The following FBXL7 variants were observed in gnomAD, a reference collection of about 807,000 sequenced individuals.
FBXL7 encodes F-box/LRR-repeat protein 7.
A neutral mutation model predicts 38.3 loss-of-function variants in FBXL7; 12 were observed. The ratio of observed to expected loss-of-function variants is 0.31; its 90% CI spans 0.20 to 0.51. FBXL7 has a LOEUF of 0.51. FBXL7 is among the 20% of genes least tolerant of loss of function. The probability of loss-of-function intolerance (pLI) is 0.98; values close to 1 mark genes in which losing one functional copy is unlikely to be tolerated. For synonymous variants in FBXL7, 297 were observed against 300.9 expected (o/e 0.99, Z 0.13); for missense variants, 567 against 676.4 (o/e 0.84, Z 1.79).
chr5:15,718,762 A>G (rs910223105), intron 2 of FBXL7, among the ~76,000 whole-genome samples: 6 of 152,250 alleles, frequency 3.9e-5, no homozygotes, highest in African/African-American at 1.4e-4. Flanking sequence ...TTCTTTAAAC[A>G]TTAAAATCTC....
At chr5:15,524,412 C>G (rs1164397250) in intron 1 of FBXL7, among the ~76,000 whole-genome samples, 1 of 152,184 alleles carries the variant, frequency 6.6e-6, no homozygotes, top group African/African-American at 2.4e-5. Context: ...CCAAGGAAAC[C>G]TAAGACATTC....
intron 1 of FBXL7, among the ~76,000 whole-genome samples, chr5:15,552,417 G>A (rs1738105003): frequency 6.6e-6 from 1 of 152,072 alleles, no homozygotes; most frequent in Admixed American, 6.6e-5. Flanking sequence ...CTTTCAGGAA[G>A]GCTACAAATT....
chr5:15,870,752 C>T (rs984759614), intron 2 of FBXL7, among the ~76,000 whole-genome samples: 5 of 152,198 alleles, frequency 3.3e-5, no homozygotes, highest in African/African-American at 7.2e-5. Context: ...AGCCAGAATG[C>T]CTCTCTAGAT....
chr5:15,862,096 T>A (rs1739499773), intron 2 of FBXL7, among the ~76,000 whole-genome samples: 1 of 152,210 alleles, frequency 6.6e-6, no homozygotes, highest in Non-Finnish European at 1.5e-5. Context: ...GTGGTTTGAC[T>A]GTGTCCCCAC....
At chr5:15,852,332 G>A (rs1739121827) in intron 2 of FBXL7, among the ~76,000 whole-genome samples, 1 of 152,178 alleles carries the variant, frequency 6.6e-6, no homozygotes, top group Non-Finnish European at 1.5e-5. Context: ...AGAGAGTAGA[G>A]TGTGGGAAAT....
chr5:15,729,776 T>C (rs1346323569), intron 2 of FBXL7, among the ~76,000 whole-genome samples: 2 of 152,190 alleles, frequency 1.3e-5, no homozygotes, highest in Admixed American at 6.6e-5. Context: ...TAGTGCTTAC[T>C]GTGCGTCAGG....
At position 15,884,957 on chromosome 5, in the gene FBXL7, T is replaced by C. The variant is rs542374812; in HGVS notation, c.128-42933T>C. Among the ~76,000 whole-genome samples the C allele has an allele frequency of 1.1e-3, 170 of 152,346 alleles. 1 individual carries two copies. Among genetic ancestry groups the C allele is most frequent in the African/African-American group, 3.4e-3 (140 of 41,598 alleles). On this transcript the variant is annotated intron_variant, in intron 2 of 3. Coordinates refer to ENST00000504595, the MANE Select transcript of FBXL7 (RefSeq NM_012304.5). The stretch of plus-strand genomic sequence containing the variant: ...TTTCTAGTTTGATGTATTGGCTATC[T>C]ACTGCTAGATAACAAATTACCCCAA...
intron 2 of FBXL7, among the ~76,000 whole-genome samples, chr5:15,865,560 C>A (rs542141266): frequency 3.3e-5 from 5 of 152,256 alleles, no homozygotes; most frequent in Non-Finnish European, 5.9e-5. Context: ...GAATTGATGA[C>A]AAGCCTCTCA....
At chr5:15,783,958 A>C (rs1737068784) in intron 2 of FBXL7, among the ~76,000 whole-genome samples, 1 of 152,178 alleles carries the variant, frequency 6.6e-6, no homozygotes. Context: ...GGGCATGATG[A>C]ATGACTTCTG....
intron 2 of FBXL7, among the ~76,000 whole-genome samples, chr5:15,883,475 T>G (rs1740544612): frequency 6.6e-6 from 1 of 152,238 alleles, no homozygotes; most frequent in African/African-American, 2.4e-5. Context: ...ATCACAAGTT[T>G]TATGCATAAC....
chr5:15,795,585 A>T (rs11951839), intron 2 of FBXL7, among the ~76,000 whole-genome samples: 6,127 of 152,274 alleles, frequency 0.04, 410 homozygotes, highest in African/African-American at 0.14. Flanking sequence ...ATTGGAGAGA[A>T]AAAAGCCTTC....
intron 2 of FBXL7, among the ~76,000 whole-genome samples, chr5:15,815,003 T>C (rs1009285699): frequency 6.6e-6 from 1 of 152,180 alleles, no homozygotes; most frequent in Non-Finnish European, 1.5e-5. Context: ...TAAGCAATTA[T>C]TTCCAACTCC....
At chr5:15,777,622 A>G (rs558402117) in intron 2 of FBXL7, among the ~76,000 whole-genome samples, 2 of 151,056 alleles carry the variant, frequency 1.3e-5, no homozygotes, top group East Asian at 3.9e-4. Flanking sequence ...ATCAAAATTT[A>G]AAAGCTCAGT....
intron 2 of FBXL7, among the ~76,000 whole-genome samples, chr5:15,746,050 T>C (rs1243740138): frequency 2.0e-5 from 3 of 152,178 alleles, no homozygotes; most frequent in Admixed American, 6.5e-5. Context: ...GTCTGTGATC[T>C]CTGTTAGAGC....
At chr5:15,912,533 C>T (rs1223065563) in intron 2 of FBXL7, among the ~76,000 whole-genome samples, 1 of 149,754 alleles carries the variant, frequency 6.7e-6, no homozygotes, top group Non-Finnish European at 1.5e-5. Context: ...TCCTATTTGG[C>T]CATCTTGGCT....
intron 2 of FBXL7, among the ~76,000 whole-genome samples, chr5:15,816,251 GTA>G (rs78105043): frequency 0.57 from 85,559 of 150,814 alleles, 24,780 homozygotes; most frequent in Non-Finnish European, 0.64. Flanking sequence ...AATCTGGTAT[GTA>G]TATATATATA....
intron 1 of FBXL7, among the ~76,000 whole-genome samples, chr5:15,576,454 T>C (rs1477797168): frequency 6.6e-6 from 1 of 152,188 alleles, no homozygotes; most frequent in Non-Finnish European, 1.5e-5. Context: ...TCCCAGAATA[T>C]GAAGGGAGGT....
At chr5:15,702,848 G>C (rs1395540442) in intron 2 of FBXL7, among the ~76,000 whole-genome samples, 1 of 152,016 alleles carries the variant, frequency 6.6e-6, no homozygotes, top group Non-Finnish European at 1.5e-5. Flanking sequence ...AGCCAAGGGA[G>C]ATAGGGGTGG....
intron 2 of FBXL7, among the ~76,000 whole-genome samples, chr5:15,772,025 C>A (rs1301974334): frequency 6.6e-6 from 1 of 152,040 alleles, no homozygotes; most frequent in Non-Finnish European, 1.5e-5. Flanking sequence ...CCCGCCTGGG[C>A]CTCCCAAAGT....
Sources: allele counts gnomAD v4.1 joint callset (sites outside exome capture counted in the v4.1 genomes callset), GRCh38; gene constraint gnomAD v4.1.1; transcripts MANE v1.5; gene names NCBI Gene and HGNC (gene_info 2026-07-23, HGNC 2026-07-21).